RNF4: variants seen among roughly 807,000 people sequenced by gnomAD.
RNF4 encodes ring finger protein 4.
Under a neutral mutation model 24.3 loss-of-function variants are expected in RNF4, and 7 were observed. The observed-to-expected ratio is 0.29, with a 90% confidence interval of 0.16 to 0.54. RNF4 has a LOEUF of 0.54. RNF4 is among the 20% of genes least tolerant of loss of function. The pLI is 0.95. For missense variants in RNF4, 209 were observed against 248.5 expected (o/e 0.84, Z 1.07); for synonymous variants, 83 against 84.3 (o/e 0.98, Z 0.09).
intron 3 of RNF4, among the ~76,000 whole-genome samples, chr4:2,497,870 G>A (rs1735785098): frequency 6.6e-6 from 1 of 152,084 alleles, no homozygotes; most frequent in African/African-American, 2.4e-5. Context: ...TCCTGACCTT[G>A]TGATCCACCC....
At chr4:2,508,881 G>A (rs1295185566) in intron 4 of RNF4, among the ~76,000 whole-genome samples, 2 of 142,376 alleles carry the variant, frequency 1.4e-5, no homozygotes, top group Non-Finnish European at 3.0e-5. Flanking sequence ...CAGAGTGCTG[G>A]GATTACAGGC....
At chr4:2,477,294 C>A (rs1342461061) in intron 1 of RNF4, among the ~76,000 whole-genome samples, 1 of 151,960 alleles carries the variant, frequency 6.6e-6, no homozygotes, top group Non-Finnish European at 1.5e-5. Flanking sequence ...CTCAAGAGAT[C>A]TGATGCTTTA....
In RNF4 at chr4:2,513,946, T is replaced by C. The variant is rs1736340784; in HGVS notation, c.*127T>C. On this transcript the variant is annotated 3_prime_UTR_variant, in exon 8 of 8. Coordinates refer to ENST00000314289, the MANE Select transcript of RNF4 (RefSeq NM_002938.5). ...AACCAACATCTGATATGTAAACTGC[T>C]CTTTTGTTTCCAACCCCTTCCTTTT... is the stretch of plus-strand genomic sequence containing the variant. 2.4e-6 allele frequency: 3 copies of C among 1,251,654 alleles called. No individual in the cohort carries two copies. The highest frequency in any genetic ancestry group is 1.1e-6 in the Non-Finnish European group (1 of 884,826). 77.5% of individuals were successfully genotyped at this position (1,251,654 alleles called of 1,614,324 possible).
chr4:2,471,141 A>G (rs942294840), intron 1 of RNF4: 4 of 151,616 alleles, frequency 2.6e-5, no homozygotes, highest in African/African-American at 7.3e-5. Flanking sequence ...TAATTTTTGT[A>G]TTTTTAGTGG....
At chr4:2,493,760 A>AAAAT (rs1175657839) in intron 2 of RNF4, among the ~76,000 whole-genome samples, 3 of 151,574 alleles carry the variant, frequency 2.0e-5, no homozygotes, top group Admixed American at 2.0e-4. Context: ...AAAAAAAAAA[A>AAAAT]AAAAAGACTT....
intron 2 of RNF4, 67 bp downstream of exon 2, chr4:2,490,569 A>G: frequency 1.3e-6 from 2 of 1,524,322 alleles, no homozygotes; most frequent in Non-Finnish European, 1.8e-6. Flanking sequence ...TCCTTGTAGC[A>G]CATTAGTGAA....
intron 4 of RNF4, among the ~76,000 whole-genome samples, chr4:2,504,925 G>A (rs1164074401): frequency 2.0e-5 from 3 of 151,832 alleles, no homozygotes; most frequent in Admixed American, 6.6e-5. Flanking sequence ...GTAGAGATGG[G>A]GTTTCACCAT....
At chr4:2,495,368 T>G (rs1428567431) in intron 2 of RNF4, among the ~76,000 whole-genome samples, 5 of 152,206 alleles carry the variant, frequency 3.3e-5, no homozygotes, top group Non-Finnish European at 7.3e-5. Context: ...TTTCAGAGTT[T>G]CCTGGGACAG....
At chr4:2,505,217 G>A (rs1334770330) in intron 4 of RNF4, 1 of 152,016 alleles carries the variant, frequency 6.6e-6, no homozygotes, top group Admixed American at 6.6e-5. Flanking sequence ...TCCTCACAGA[G>A]AAGACATCGT....
chr4:2,475,779 A>T lies in RNF4; in HGVS notation c.-158+6521A>T, dbSNP rs112485564. On this transcript the variant is annotated intron_variant, in intron 1 of 7. Transcript: ENST00000314289. ...TTACTCTCTTACAGAACCACTCTAT[A>T]AGATAGTTGTTGTAGTTAGCCCCAT... Among the ~76,000 whole-genome samples, 20 of 152,272 alleles carry T rather than the reference A, an allele frequency of 1.3e-4. 2 individuals carry two copies. The highest frequency in any genetic ancestry group is 4.8e-4 in the African/African-American group (20 of 41,548).
At chr4:2,499,620 A>G (rs1239808960) in intron 3 of RNF4, among the ~76,000 whole-genome samples, 1 of 152,116 alleles carries the variant, frequency 6.6e-6, no homozygotes, top group Admixed American at 6.6e-5. Context: ...ATCAGAAATA[A>G]AAATGGTTGT....
At chr4:2,490,847 T>C (rs1020068282) in intron 2 of RNF4, 1 of 192,434 alleles carries the variant, frequency 5.2e-6, no homozygotes, top group East Asian at 1.3e-4. Context: ...TCATGTGTAA[T>C]CTCAACACTT....
intron 3 of RNF4, among the ~76,000 whole-genome samples, chr4:2,497,929 C>G (rs1225215411): frequency 1.3e-5 from 2 of 152,142 alleles, no homozygotes; most frequent in African/African-American, 4.8e-5. Flanking sequence ...CCACTGCACC[C>G]GGCCATGCAA....
intron 4 of RNF4, chr4:2,506,291 C>T (rs1736098780): frequency 6.6e-6 from 1 of 152,028 alleles, no homozygotes. Context: ...GCCAGCGATT[C>T]CCATGTCTCA....
intron 4 of RNF4, among the ~76,000 whole-genome samples, chr4:2,502,258 T>C (rs1735933282): frequency 6.6e-6 from 1 of 152,226 alleles, no homozygotes; most frequent in Admixed American, 6.5e-5. Flanking sequence ...ACAGTCTTCT[T>C]GGCCTTCTCT....
In RNF4 at chr4:2,500,655, G is replaced by A. The variant is rs772652179; in HGVS notation, c.125-4G>A. On this transcript the variant is annotated splice_region_variant and splice_polypyrimidine_tract_variant and intron_variant, in intron 3 of 7. Coordinates refer to ENST00000314289, the MANE Select transcript of RNF4 (RefSeq NM_002938.5). ...AATGCTTGTTGAAATACTTTCTTTT[G>A]AAGCTGGAGATGAAATTGTGGACCT... 55 of 1,613,522 alleles carry A rather than the reference G, an allele frequency of 3.4e-5. No individual in the cohort carries two copies. The Middle Eastern group carries it at 4.9e-4, about 14-fold the overall frequency.
chr4:2,500,728 ACT>A lies in RNF4; in HGVS notation c.197_198del (p.Ser66CysfsTer5). 1 of 1,613,622 alleles carries A rather than the reference ACT, an allele frequency of 6.2e-7. No individual in the cohort carries two copies. The highest frequency in any genetic ancestry group is 8.5e-7 in the Non-Finnish European group (1 of 1,179,780). ...GTGGTGGTTGATCTGACTCACAATG[ACT>A]CTGTTGTGGTAAGTGTTGGAGTGTG... is the stretch of plus-strand genomic sequence containing the variant. On this transcript the variant is annotated frameshift_variant, in exon 4 of 8. Coordinates refer to ENST00000314289, the MANE Select transcript of RNF4 (RefSeq NM_002938.5). LOFTEE classifies it high-confidence loss of function.
At position 2,489,096 on chromosome 4, in the gene RNF4, A is replaced by T. The variant is rs1735502535; in HGVS notation, c.-157-1241A>T. Among the ~76,000 whole-genome samples the T allele has an allele frequency of 2.0e-5, 3 of 152,256 alleles. No homozygotes were observed. In the South Asian group the frequency reaches 6.2e-4, roughly 32 times the overall value. On this transcript the variant is annotated intron_variant, in intron 1 of 7. Coordinates refer to ENST00000314289, the MANE Select transcript of RNF4 (RefSeq NM_002938.5). ...CCAGAGTGCTGGGATTACAGGTGTG[A>T]GCTACTACACCCGGCCGATGCCTGG...
intron 1 of RNF4, among the ~76,000 whole-genome samples, chr4:2,484,132 G>T (rs572874443): frequency 7.3e-6 from 1 of 136,364 alleles, no homozygotes; most frequent in Non-Finnish European, 1.5e-5. Context: ...CCTGACCCAG[G>T]TCTCTTATTT....
Sources: gnomAD v4.1 joint callset for allele counts (sites outside exome capture counted in the v4.1 genomes callset) on GRCh38, gnomAD v4.1.1 for gene constraint, MANE v1.5 for transcripts, NCBI Gene and HGNC (gene_info 2026-07-23, HGNC 2026-07-21) for gene names.